The following ADGRV1 variants were observed in gnomAD, a reference collection of about 807,000 sequenced individuals.
ADGRV1 encodes G-protein coupled receptor 98.
In ADGRV1, 359 loss-of-function variants were observed where a neutral mutation model predicts 596.2. The observed-to-expected ratio is 0.60, with a 90% CI of 0.55 to 0.66. ADGRV1 has a LOEUF of 0.66. Ranked by LOEUF, ADGRV1 falls within the 30% of genes least tolerant of loss-of-function variation. ADGRV1 has a pLI of 0.00. For missense variants in ADGRV1, 7,274 were observed against 7,575.6 expected (o/e 0.96, Z 1.48); for synonymous variants, 2,681 against 2,679.2 (o/e 1.00, Z -0.02).
intron 1 of ADGRV1, among the ~76,000 whole-genome samples, chr5:90,596,720 A>G (rs535532392): frequency 1.3e-5 from 2 of 152,334 alleles, no homozygotes; most frequent in African/African-American, 2.4e-5. Context: ...GGGCGGTTGC[A>G]GTGAGCCGAG....
intron 87 of ADGRV1, among the ~76,000 whole-genome samples, chr5:91,116,649 T>C (rs182991934): frequency 6.6e-6 from 1 of 152,306 alleles, no homozygotes; most frequent in East Asian, 1.9e-4. Flanking sequence ...GTGATCTTAT[T>C]TGTAAATAAG....
In ADGRV1 at chr5:90,642,883, A is replaced by T. The variant is rs369024868; in HGVS notation, c.2395A>T (p.Ile799Phe). Residue 799 changes from isoleucine to phenylalanine, a missense_variant, in exon 13 of 90, where the codon ATC (isoleucine) becomes TTC (phenylalanine). This residue lies in a region of ADGRV1 where 1,715 missense variants were observed against 1,708.8 expected (regional missense o/e 1.00). Transcript: ENST00000405460. ...AGGAGAATCTGTAGAGCTCCACATC[A>T]TCCGATCAAGGGGGTCCCTTGTTAA... The part of the protein sequence containing the change: ...KEGESVELHI[I>F]RSRGSLVKQF... The T allele has an allele frequency of 5.6e-6, 9 of 1,608,514 alleles. No homozygotes were observed. Among genetic ancestry groups the T allele is most frequent in the Non-Finnish European group, 5.9e-6 (7 of 1,177,492 alleles).
intron 1 of ADGRV1, among the ~76,000 whole-genome samples, chr5:90,606,250 G>A (rs562553612): frequency 2.0e-5 from 3 of 152,314 alleles, no homozygotes; most frequent in South Asian, 4.1e-4. Context: ...AGGCAAGGGA[G>A]GATGAAGAGA....
intron 84 of ADGRV1, among the ~76,000 whole-genome samples, chr5:90,972,371 C>T (rs996507058): frequency 1.3e-5 from 2 of 152,164 alleles, no homozygotes; most frequent in Non-Finnish European, 2.9e-5. Context: ...ATCTACAGAA[C>T]TCTCCACCCC....
chr5:90,689,331 C>T (rs1443883380), intron 29 of ADGRV1, among the ~76,000 whole-genome samples: 10 of 133,226 alleles, frequency 7.5e-5, no homozygotes, highest in Admixed American at 5.8e-4. Flanking sequence ...TCCCCACCCA[C>T]CTTTTTTTTT....
chr5:90,838,309 G>T (rs1312647220), intron 77 of ADGRV1, among the ~76,000 whole-genome samples: 1 of 151,114 alleles, frequency 6.6e-6, no homozygotes, highest in Non-Finnish European at 1.5e-5. Flanking sequence ...CTCTTCTTTG[G>T]GCTTTTGTAA....
At position 90,684,118 on chromosome 5, in the gene ADGRV1, A is replaced by G. The variant is rs751912909; in HGVS notation, c.6197A>G (p.Asp2066Gly). 1.9e-6 allele frequency: 3 copies of G among 1,613,932 alleles called. No individual in the cohort carries two copies. The highest frequency in any genetic ancestry group is 2.2e-5 in the South Asian group (2 of 91,080). ...ATAGCTATTTCAATTTTGGATGATGATGAGCCAGAAAGGTCCGAATCTGTC... is the reference window on the plus strand; with the variant it reads ...ATAGCTATTTCAATTTTGGATGATGGTGAGCCAGAAAGGTCCGAATCTGTC... ...ATIAISILDD[D>G]EPERSESVFI... Residue 2066 changes from aspartate to glycine, a missense_variant, in exon 28 of 90, where the codon GAT becomes GGT. Coordinates refer to ENST00000405460, the MANE Select transcript of ADGRV1 (RefSeq NM_032119.4).
intron 1 of ADGRV1, among the ~76,000 whole-genome samples, chr5:90,573,336 T>C (rs901602886): frequency 1.3e-5 from 2 of 152,160 alleles, no homozygotes; most frequent in African/African-American, 4.8e-5. Context: ...TGAGGATATC[T>C]TCTGAGAAAT....
intron 83 of ADGRV1, among the ~76,000 whole-genome samples, chr5:90,866,343 GTA>G (rs35871344): frequency 5.0e-4 from 75 of 151,022 alleles, no homozygotes; most frequent in South Asian, 8.3e-4. Flanking sequence ...GTGTGTGTGT[GTA>G]TTTTCTTGAT....
Position 90,985,494 on chromosome 5 carries a change from C to G in ADGRV1, c.18124C>G (p.Gln6042Glu). ...AGGAATCTATCATCAGAGCATGTCA[C>G]AGATCTATGGACTCATTCATGGTGA... The part of the protein sequence containing the change: ...LKGIYHQSMS[Q>E]IYGLIHGDLC... The change falls in exon 85 of 90, where the codon CAG becomes GAG. Residue 6042 changes from glutamine to glutamate, a missense_variant. Gln to Glu is a conservative substitution (Grantham distance 29, BLOSUM62 2). Coordinates refer to ENST00000405460, the MANE Select transcript of ADGRV1 (RefSeq NM_032119.4). 6.2e-7 allele frequency: 1 copy of G among 1,613,810 alleles called. No homozygotes were observed. Among genetic ancestry groups the G allele is most frequent in the Non-Finnish European group, 8.5e-7 (1 of 1,179,734 alleles).
intron 45 of ADGRV1, among the ~76,000 whole-genome samples, chr5:90,721,518 A>T (rs1191780788): frequency 0.26 from 25,237 of 97,852 alleles, 3,757 homozygotes; most frequent in Admixed American, 0.44. Context: ...ATAAAATAAA[A>T]TAAAATAAAA....
chr5:90,823,375 C>A, intron 75 of ADGRV1, 50 bp from the exon 76 acceptor site: 1 of 1,556,720 alleles, frequency 6.4e-7, no homozygotes, highest in Non-Finnish European at 8.8e-7. Context: ...CTCTATTAGA[C>A]ATGGGGATGA....
intron 83 of ADGRV1, among the ~76,000 whole-genome samples, chr5:90,949,091 A>G (rs1776847944): frequency 6.6e-6 from 1 of 152,158 alleles, no homozygotes; most frequent in Non-Finnish European, 1.5e-5. Flanking sequence ...GTATGGGTTA[A>G]TCTCACAGAT....
chr5:90,564,509 AAG>A, intron 1 of ADGRV1, among the ~76,000 whole-genome samples: 1 of 152,322 alleles, frequency 6.6e-6, no homozygotes, highest in East Asian at 1.9e-4. Context: ...AAAGAAGAGA[AAG>A]AGATAGCTGG....
chr5:90,760,212 G>C (rs1264852257), intron 58 of ADGRV1, among the ~76,000 whole-genome samples: 1 of 149,106 alleles, frequency 6.7e-6, no homozygotes, highest in Non-Finnish European at 1.5e-5. Context: ...GGAGGCGGAG[G>C]TTGCAGTGAG....
chr5:90,781,469 A>T lies in ADGRV1; in HGVS notation c.13122A>T (p.Ile4374=). Residue 4374 remains isoleucine, a synonymous_variant, in exon 65 of 90, where the codon ATA becomes ATT. Transcript: ENST00000405460. ...CCATTCAAGAAAATGGACTTCAGATAGATCAACCTCCTGAAATAGGAAACA... is the reference window on the plus strand; with the variant it reads ...CCATTCAAGAAAATGGACTTCAGATTGATCAACCTCCTGAAATAGGAAACA... ...DFTIQENGLQ[I]DQPPEIGNIS... is the part of the protein sequence containing the mutation. The T allele has an allele frequency of 6.2e-7, 1 of 1,609,098 alleles. No individual in the cohort carries two copies. The highest frequency in any genetic ancestry group is 8.5e-7 in the Non-Finnish European group (1 of 1,177,114).
chr5:91,082,618 C>G (rs1789496016), intron 86 of ADGRV1, among the ~76,000 whole-genome samples: 1 of 152,084 alleles, frequency 6.6e-6, no homozygotes, highest in Non-Finnish European at 1.5e-5. Context: ...ATGTATCTCT[C>G]TAAGATTTGT....
At chr5:90,917,863 A>G (rs991404466) in intron 83 of ADGRV1, among the ~76,000 whole-genome samples, 1 of 151,964 alleles carries the variant, frequency 6.6e-6, no homozygotes, top group Non-Finnish European at 1.5e-5. Flanking sequence ...CATCATCTTC[A>G]TCATCATCAC....
At chr5:90,711,831 C>T (rs1749394231) in intron 41 of ADGRV1, among the ~76,000 whole-genome samples, 1 of 152,158 alleles carries the variant, frequency 6.6e-6, no homozygotes, top group African/African-American at 2.4e-5. Flanking sequence ...GGTTGGAGTG[C>T]AGTGGTGCGA....
Sources: allele counts gnomAD v4.1 joint callset (sites outside exome capture counted in the v4.1 genomes callset), GRCh38; gene constraint gnomAD v4.1.1; regional missense constraint gnomAD v4.1.1; transcripts MANE v1.5; gene names NCBI Gene and HGNC (gene_info 2026-07-23, HGNC 2026-07-21).